MCHR2: variants seen among roughly 807,000 people sequenced by gnomAD.
MCHR2 encodes the protein melanin concentrating hormone receptor 2.
A neutral mutation model predicts 24.8 loss-of-function variants in MCHR2; 15 were observed. The ratio of observed to expected loss-of-function variants is 0.60; its 90% CI spans 0.40 to 0.93. The LOEUF (loss-of-function observed/expected upper bound fraction) is 0.93. Ranked by LOEUF, MCHR2 falls within the 40% of genes least tolerant of loss-of-function variation. The pLI is 0.00. For synonymous variants in MCHR2, 151 were observed against 147.6 expected (o/e 1.02, Z -0.17); for missense variants, 386 against 408.7 (o/e 0.94, Z 0.48).
intron 3 of MCHR2, 139 bp from the exon 4 acceptor site, chr6:99,943,282 T>A (rs1562122763): frequency 7.2e-6 from 2 of 276,110 alleles, no homozygotes; most frequent in East Asian, 7.0e-5. Context: ...AAAGAAAGTT[T>A]TATATATATA....
At chr6:99,931,842 C>T (rs868169816) in intron 5 of MCHR2, among the ~76,000 whole-genome samples, 120 of 152,276 alleles carry the variant, frequency 7.9e-4, no homozygotes, top group African/African-American at 2.7e-3. Flanking sequence ...GCACTGCATC[C>T]ACTGTCCTGC....
chr6:99,968,441 C>T (rs531739120), intron 1 of MCHR2, among the ~76,000 whole-genome samples: 2 of 152,266 alleles, frequency 1.3e-5, no homozygotes, highest in East Asian at 1.9e-4. Flanking sequence ...CCTCTCATAG[C>T]TACACAGCAA....
rs1053609595 is a variant in MCHR2 at position 99,976,083 on chromosome 6, C to T, written c.-28+17853G>A. 1.1e-4 allele frequency among the ~76,000 whole-genome samples: 17 copies of T among 152,050 alleles called. No homozygotes were observed. The South Asian group carries it at 3.5e-3, about 32-fold the overall frequency. On this transcript the variant is annotated intron_variant, in intron 1 of 5. Coordinates refer to ENST00000281806, the MANE Select transcript of MCHR2 (RefSeq NM_001040179.2). Reference sequence around the variant, plus strand: ...TAGGAAAAACACAAATTTACAAACACAAATATAAGGGCAAAAAAGATATGA... The same window carrying T: ...TAGGAAAAACACAAATTTACAAACATAAATATAAGGGCAAAAAAGATATGA...
chr6:99,985,357 T>A (rs1303563654), intron 1 of MCHR2, among the ~76,000 whole-genome samples: 4 of 151,592 alleles, frequency 2.6e-5, no homozygotes, highest in African/African-American at 7.3e-5. Flanking sequence ...CAAAAAAGAG[T>A]CTGAATAGCC....
At chr6:99,973,535 T>C (rs548134766) in intron 1 of MCHR2, among the ~76,000 whole-genome samples, 2 of 152,362 alleles carry the variant, frequency 1.3e-5, no homozygotes, top group African/African-American at 4.8e-5. Context: ...AGTCTGTGTC[T>C]TTTAATTGGA....
intron 4 of MCHR2, among the ~76,000 whole-genome samples, chr6:99,936,274 C>G (rs1352692600): frequency 6.6e-6 from 1 of 151,892 alleles, no homozygotes; most frequent in Non-Finnish European, 1.5e-5. Context: ...AGTCTTTGCC[C>G]AGACCAATGT....
intron 5 of MCHR2, among the ~76,000 whole-genome samples, chr6:99,931,537 G>T (rs1408907590): frequency 6.6e-6 from 1 of 152,148 alleles, no homozygotes; most frequent in South Asian, 2.1e-4. Flanking sequence ...GAAAGCCTGG[G>T]CAATGGCGGG....
intron 1 of MCHR2, among the ~76,000 whole-genome samples, chr6:99,963,059 C>T (rs1300670042): frequency 1.3e-5 from 2 of 152,020 alleles, no homozygotes; most frequent in Non-Finnish European, 2.9e-5. Flanking sequence ...CACCTCATCC[C>T]TGTTAGTATG....
intron 4 of MCHR2, among the ~76,000 whole-genome samples, chr6:99,939,921 T>G (rs1774740337): frequency 6.8e-6 from 1 of 146,952 alleles, no homozygotes; most frequent in Non-Finnish European, 1.5e-5. Flanking sequence ...CACTCCCTCT[T>G]GGCCTGTATG....
intron 1 of MCHR2, among the ~76,000 whole-genome samples, chr6:99,972,773 G>A (rs367908141): frequency 9.3e-4 from 141 of 152,042 alleles, no homozygotes; most frequent in African/African-American, 3.1e-3. Flanking sequence ...CTTTGTTCTC[G>A]TTGGTTTCAA....
At position 99,983,803 on chromosome 6, in the gene MCHR2, A is replaced by C. The variant is rs181708515; in HGVS notation, c.-28+10133T>G. ...TATTTTTATTTTTCAACCTTTCTGA[A>C]CTGCTTTATTTAAGGGATTTTTTTC... On this transcript the variant is annotated intron_variant, in intron 1 of 5. Transcript: ENST00000281806. Among the ~76,000 whole-genome samples the C allele has an allele frequency of 6.6e-4, 100 of 152,284 alleles. 1 individual carries two copies. The highest frequency in any genetic ancestry group is 2.5e-3 in the South Asian group (12 of 4,830).
chr6:99,990,039 A>G (rs1775840661), intron 1 of MCHR2, among the ~76,000 whole-genome samples: 1 of 112,638 alleles, frequency 8.9e-6, no homozygotes, highest in African/African-American at 3.5e-5. Context: ...TAAACTTGCA[A>G]GTTCATTGGC....
At chr6:99,968,827 A>G (rs1448551810) in intron 1 of MCHR2, among the ~76,000 whole-genome samples, 1 of 152,148 alleles carries the variant, frequency 6.6e-6, no homozygotes, top group Non-Finnish European at 1.5e-5. Flanking sequence ...AATAACAGCA[A>G]AATGTTCTCC....
At chr6:99,973,964 C>T (rs545907715) in intron 1 of MCHR2, among the ~76,000 whole-genome samples, 1 of 152,120 alleles carries the variant, frequency 6.6e-6, no homozygotes, top group African/African-American at 2.4e-5. Context: ...TGTGGGTAAC[C>T]CGACCTTTCT....
rs1774192735 is a variant in MCHR2, at chr6:99,920,071, T to C, written c.*869A>G. 6.6e-6 allele frequency: 1 copy of C among 152,202 alleles called. No individual in the cohort carries two copies. Among genetic ancestry groups the C allele is most frequent in the East Asian group, 1.9e-4 (1 of 5,200 alleles). The allele number at this position is 152,202 out of a possible 1,614,324, so 9.4% of individuals were successfully genotyped here. A position where few individuals can be genotyped will look rare whatever the true frequency, so the allele number is the denominator to read the frequency against. ...CTTAAAGTCCAGAAGTAAAGTATTA[T>C]TATTAAAGTGCAGATGCCAGTTTCT... On this transcript the variant is annotated 3_prime_UTR_variant, in exon 6 of 6. Coordinates refer to ENST00000281806, the MANE Select transcript of MCHR2 (RefSeq NM_001040179.2).
chr6:99,936,491 T>C (rs1208108227), intron 4 of MCHR2, among the ~76,000 whole-genome samples: 3 of 151,960 alleles, frequency 2.0e-5, no homozygotes, highest in Non-Finnish European at 4.4e-5. Flanking sequence ...TTGATGAAGA[T>C]GAGTTGGCTA....
chr6:99,935,496 A>G (rs1428801920), intron 4 of MCHR2, among the ~76,000 whole-genome samples: 2 of 152,042 alleles, frequency 1.3e-5, no homozygotes, highest in African/African-American at 2.4e-5. Flanking sequence ...TTCACTTAAC[A>G]TAATAGCCTT....
intron 1 of MCHR2, among the ~76,000 whole-genome samples, chr6:99,984,260 A>T (rs12194772): frequency 2.8e-4 from 21 of 74,848 alleles, no homozygotes; most frequent in East Asian, 1.0e-3. Flanking sequence ...TTATTTATTT[A>T]TTTTTCTTTA....
chr6:99,972,574 T>C (rs1030036749), intron 1 of MCHR2, among the ~76,000 whole-genome samples: 2 of 152,350 alleles, frequency 1.3e-5, no homozygotes, highest in East Asian at 3.9e-4. Flanking sequence ...AGTTCTGCTC[T>C]GATTTTAGTA....
Sources: gnomAD v4.1 joint callset for allele counts (sites outside exome capture counted in the v4.1 genomes callset) on GRCh38, gnomAD v4.1.1 for gene constraint, MANE v1.5 for transcripts, NCBI Gene and HGNC (gene_info 2026-07-23, HGNC 2026-07-21) for gene names.